CCR5AS: variants seen among roughly 807,000 people sequenced by gnomAD.
CCR5AS encodes the protein CCR5 antisense RNA.
intron 2 of CCR5AS, among the ~76,000 whole-genome samples, chr3:46,388,730 G>C (rs1255784144): frequency 6.6e-6 from 1 of 152,242 alleles, no homozygotes; most frequent in Non-Finnish European, 1.5e-5. Context: ...AGAAGGATTA[G>C]AAATGGCTAG....
At chr3:46,399,227 T>A (rs934417765) in intron 1 of CCR5AS, among the ~76,000 whole-genome samples, 6 of 152,328 alleles carry the variant, frequency 3.9e-5, no homozygotes, top group African/African-American at 1.2e-4. Context: ...TTGTTGTTAT[T>A]GTCTGTAGTA....
intron 3 of CCR5AS, among the ~76,000 whole-genome samples, chr3:46,368,444 C>T (rs140587963): frequency 6.6e-6 from 1 of 152,270 alleles, no homozygotes; most frequent in Non-Finnish European, 1.5e-5. Flanking sequence ...GAAGAATTTC[C>T]CATGGGTCCC....
At chr3:46,403,540 TA>T (rs1321389767) in intron 1 of CCR5AS, among the ~76,000 whole-genome samples, 11 of 152,302 alleles carry the variant, frequency 7.2e-5, no homozygotes, top group Non-Finnish European at 1.5e-4. Flanking sequence ...ACCTCTAAGC[TA>T]AGGCACAGCA....
At chr3:46,378,679 A>T (rs11575815) in intron 2 of CCR5AS, among the ~76,000 whole-genome samples, 45,792 of 152,076 alleles carry the variant, frequency 0.3, 7,858 homozygotes, top group East Asian at 0.56. Flanking sequence ...CAGTTGTGAA[A>T]AAGAGGTATT....
intron 2 of CCR5AS, chr3:46,374,060 T>A (rs1701717421): frequency 1.2e-5 from 9 of 777,236 alleles, no homozygotes; most frequent in Admixed American, 5.1e-5. Flanking sequence ...AGGTCTTTTT[T>A]AAAAGGAAGT....
intron 1 of CCR5AS, among the ~76,000 whole-genome samples, chr3:46,394,462 C>A (rs1053199936): frequency 1.3e-5 from 2 of 152,150 alleles, no homozygotes; most frequent in African/African-American, 4.8e-5. Context: ...CTTTCTTCAC[C>A]CACTCATTCC....
chr3:46,405,916 C>T (rs547792536), intron 1 of CCR5AS, among the ~76,000 whole-genome samples: 2 of 151,916 alleles, frequency 1.3e-5, no homozygotes, highest in East Asian at 3.9e-4. Flanking sequence ...CTCTGCCACC[C>T]AGGCCAGAGT....
intron 1 of CCR5AS, among the ~76,000 whole-genome samples, chr3:46,403,003 G>C (rs1702016147): frequency 6.6e-6 from 1 of 152,202 alleles, no homozygotes; most frequent in Admixed American, 6.5e-5. Flanking sequence ...TTGGTTTTCT[G>C]TTCCTGTGTT....
intron 3 of CCR5AS, among the ~76,000 whole-genome samples, chr3:46,370,013 CT>C: frequency 6.6e-6 from 1 of 152,306 alleles, no homozygotes; most frequent in South Asian, 2.1e-4. Context: ...CTTCTCAGCT[CT>C]GCTGACAATA....
At chr3:46,380,647 C>A (rs777347472) in intron 2 of CCR5AS, among the ~76,000 whole-genome samples, 1 of 152,214 alleles carries the variant, frequency 6.6e-6, no homozygotes, top group Non-Finnish European at 1.5e-5. Context: ...GGCACGCCAG[C>A]GATGAGCCTT....
rs1002339471 is a variant in CCR5AS, at chr3:46,384,876, G to C, written n.391+7949C>G. On this transcript the variant is annotated intron_variant and non_coding_transcript_variant, in intron 2 of 3. Coordinates refer to ENST00000451485, the Ensembl canonical transcript of CCR5AS. ...TAGATGATAGATAGATAGATAGATAGATAGATAGATAGATAGATAGATAGA... is the reference window on the plus strand; with the variant it reads ...TAGATGATAGATAGATAGATAGATACATAGATAGATAGATAGATAGATAGA... Among the ~76,000 whole-genome samples the C allele has an allele frequency of 2.0e-5, 3 of 148,714 alleles. No homozygotes were observed. The Admixed American group carries it at 2.1e-4, about 10-fold the overall frequency.
intron 3 of CCR5AS, among the ~76,000 whole-genome samples, chr3:46,366,410 C>T (rs960361284): frequency 3.3e-5 from 5 of 152,222 alleles, no homozygotes; most frequent in Non-Finnish European, 7.3e-5. Flanking sequence ...GCTTAGACAT[C>T]TGTTACTGTA....
chr3:46,378,217 C>T (rs576089737), intron 2 of CCR5AS, among the ~76,000 whole-genome samples: 3 of 151,958 alleles, frequency 2.0e-5, no homozygotes, highest in African/African-American at 7.2e-5. Flanking sequence ...AGAGTCAACC[C>T]TTAATATTTA....
rs1701875108 is a variant in CCR5AS at position 46,387,661 on chromosome 3, T to C, written n.391+5164A>G. Among the ~76,000 whole-genome samples, 4 of 152,040 alleles carry C rather than the reference T, an allele frequency of 2.6e-5. No individual in the cohort carries two copies. The East Asian group carries it at 5.8e-4, about 22-fold the overall frequency. On this transcript the variant is annotated intron_variant and non_coding_transcript_variant, in intron 2 of 3. Coordinates refer to ENST00000451485, the Ensembl canonical transcript of CCR5AS. The stretch of plus-strand genomic sequence containing the variant: ...CTACTCAGGAGGCAGAGAAGGAGGA[T>C]TTCTTGAGCCCTGAAGGTGGTTGTG...
At chr3:46,369,543 C>A (rs1442553631) in intron 3 of CCR5AS, among the ~76,000 whole-genome samples, 1 of 152,112 alleles carries the variant, frequency 6.6e-6, no homozygotes, top group African/African-American at 2.4e-5. Flanking sequence ...TTAGCTTTAC[C>A]TTTTCAGCTT....
At chr3:46,396,750 G>A (rs540083157) in intron 1 of CCR5AS, among the ~76,000 whole-genome samples, 2 of 152,134 alleles carry the variant, frequency 1.3e-5, no homozygotes, top group African/African-American at 4.8e-5. Flanking sequence ...CTGTGACCAC[G>A]TGGGCAGCTT....
At chr3:46,373,225 A>G (rs770335913) in intron 2 of CCR5AS, 16 of 1,614,058 alleles carry the variant, frequency 9.9e-6, no homozygotes, top group Non-Finnish European at 1.1e-5. Context: ...ACAGGGCTCT[A>G]TTTTATAGGC....
intron 3 of CCR5AS, among the ~76,000 whole-genome samples, chr3:46,369,958 G>A (rs1284815612): frequency 6.6e-6 from 1 of 152,150 alleles, no homozygotes; most frequent in Non-Finnish European, 1.5e-5. Flanking sequence ...CAAGGTCACG[G>A]AAGCCCAGAG....
At chr3:46,372,216 C>G (rs1049488712) in intron 2 of CCR5AS, among the ~76,000 whole-genome samples, 1 of 152,108 alleles carries the variant, frequency 6.6e-6, no homozygotes, top group Non-Finnish European at 1.5e-5. Context: ...TGGGCTAACT[C>G]TAGCGTCAAT....
Sources: allele counts gnomAD v4.1 joint callset (sites outside exome capture counted in the v4.1 genomes callset), GRCh38; gene constraint gnomAD v4.1.1; transcripts MANE v1.5; gene names NCBI Gene and HGNC (gene_info 2026-07-23, HGNC 2026-07-21).